PLXNA2: variants seen among roughly 807,000 people sequenced by gnomAD.
The protein encoded by PLXNA2 is plexin A2, also known as plexin-A2.
Under a neutral mutation model 193.5 loss-of-function variants are expected in PLXNA2, and 91 were observed. The observed-to-expected ratio is 0.47, with a 90% confidence interval of 0.40 to 0.56. The LOEUF (loss-of-function observed/expected upper bound fraction) is 0.56, where lower values mean the gene tolerates loss of function less well. Among genes scored for constraint, PLXNA2 ranks in the 20% least tolerant of loss-of-function variants. The pLI, the probability that PLXNA2 is intolerant of heterozygous loss-of-function variation, is 0.00. For missense variants in PLXNA2, 1,995 were observed against 2,503.2 expected (o/e 0.80, Z 4.33); for synonymous variants, 997 against 1,027.3 (o/e 0.97, Z 0.56).
intron 26 of PLXNA2, among the ~76,000 whole-genome samples, chr1:208,037,515 C>T (rs1445763140): frequency 6.6e-6 from 1 of 152,174 alleles, no homozygotes; most frequent in Non-Finnish European, 1.5e-5. Context: ...ATCAGACGAT[C>T]CCACGGGTCT....
At position 208,239,829 on chromosome 1, in the gene PLXNA2, G is replaced by A. The variant is rs117979196; in HGVS notation, c.-81+3814C>T. Among the ~76,000 whole-genome samples, 77 of 152,350 alleles carry A rather than the reference G, an allele frequency of 5.1e-4. No individual in the cohort carries two copies. The East Asian group carries it at 0.011, about 22-fold the overall frequency. ...TGGGTAAAGGGACAACTGGCAGTGC[G>A]TGGGAAGAGTATGCTGGGGTAGGGG... On this transcript the variant is annotated intron_variant, in intron 1 of 31. Coordinates refer to ENST00000367033, the MANE Select transcript of PLXNA2 (RefSeq NM_025179.4).
intron 3 of PLXNA2, among the ~76,000 whole-genome samples, chr1:208,199,551 C>T (rs538641090): frequency 1.8e-4 from 28 of 152,106 alleles, no homozygotes; most frequent in African/African-American, 6.3e-4. Context: ...ATTAACTGGG[C>T]GTGGTGGCAT....
chr1:208,074,414 A>G (rs1391422272), intron 12 of PLXNA2, among the ~76,000 whole-genome samples: 1 of 152,194 alleles, frequency 6.6e-6, no homozygotes, highest in Non-Finnish European at 1.5e-5. Context: ...GAGGCCTCCC[A>G]TGGGGGACAG....
At chr1:208,071,797 C>T (rs1164224736) in intron 12 of PLXNA2, among the ~76,000 whole-genome samples, 2 of 152,176 alleles carry the variant, frequency 1.3e-5, no homozygotes, top group Non-Finnish European at 2.9e-5. Flanking sequence ...GATCAGAGTG[C>T]CGGCTTGTTT....
chr1:208,144,824 A>G (rs1668558767), intron 3 of PLXNA2, among the ~76,000 whole-genome samples: 1 of 152,086 alleles, frequency 6.6e-6, no homozygotes, highest in Non-Finnish European at 1.5e-5. Flanking sequence ...CCCTCCTTCC[A>G]GAAATGTTGT....
chr1:208,217,766 A>T lies in PLXNA2; in HGVS notation c.157T>A (p.Leu53Met). Residue 53 changes from leucine to methionine, a missense_variant, in exon 2 of 32, where the codon TTG becomes ATG. Leu to Met is a conservative substitution (Grantham distance 15). This residue lies in a region of PLXNA2 where 702 missense variants were observed against 812.9 expected (regional missense o/e 0.86). Coordinates refer to ENST00000367033, the MANE Select transcript of PLXNA2 (RefSeq NM_025179.4). This position sits in a 1 kb window ranked among gnomAD's most constrained non-coding sequence, Gnocchi z 4.7. ...SENRDWTFNH[L>M]TVHQGTGAVY... ...GCCCCCGTCCCTTGGTGGACGGTCAAGTGGTTGAAGGTCCAGTCACGATTC... is the reference window on the plus strand; with the variant it reads ...GCCCCCGTCCCTTGGTGGACGGTCATGTGGTTGAAGGTCCAGTCACGATTC... 6.2e-7 allele frequency: 1 copy of T among 1,614,088 alleles called. No individual in the cohort carries two copies. The highest frequency in any genetic ancestry group is 1.7e-5 in the Admixed American group (1 of 60,020).
intron 12 of PLXNA2, among the ~76,000 whole-genome samples, 155 bp downstream of exon 12, chr1:208,079,105 T>C (rs1666247382): frequency 6.6e-6 from 1 of 152,126 alleles, no homozygotes; most frequent in South Asian, 2.1e-4. Flanking sequence ...ACAGGGGCCG[T>C]TAAGACACAC....
In PLXNA2 at chr1:208,110,461, C is replaced by T. The variant is rs193107145; in HGVS notation, c.1507-7214G>A. ...TGACAGCTGGCAGGCTCCTGGCTGG[C>T]CCCACCTTGCCCTGAGCTGGGCAGT... On this transcript the variant is annotated intron_variant, in intron 4 of 31. Transcript: ENST00000367033. Among the ~76,000 whole-genome samples the T allele has an allele frequency of 1.6e-4, 24 of 152,332 alleles. No individual in the cohort carries two copies. In the East Asian group the frequency reaches 4.2e-3, roughly 27 times the overall value.
At chr1:208,125,957 G>T (rs1011885054) in intron 4 of PLXNA2, among the ~76,000 whole-genome samples, 8 of 152,214 alleles carry the variant, frequency 5.3e-5, no homozygotes, top group Middle Eastern at 3.2e-3. Context: ...CTCTGTTGCG[G>T]TCACAGGAGG....
At chr1:208,077,940 G>T (rs1215422240) in intron 12 of PLXNA2, among the ~76,000 whole-genome samples, 1 of 152,126 alleles carries the variant, frequency 6.6e-6, no homozygotes, top group Non-Finnish European at 1.5e-5. Flanking sequence ...CCGGGATATG[G>T]TGTCTTGTGG....
In PLXNA2 at chr1:208,084,427, G is replaced by C; in HGVS notation, c.2251C>G (p.Pro751Ala). The change falls in exon 10 of 32, where the codon CCC becomes GCC. Residue 751 changes from proline (P) to alanine (A), a missense_variant. Physicochemically the swap from Pro to Ala is conservative, Grantham distance 27. This residue lies in a region of PLXNA2 where 1,291 missense variants were observed against 1,673.6 expected (regional missense o/e 0.77). Coordinates refer to ENST00000367033, the MANE Select transcript of PLXNA2 (RefSeq NM_025179.4). ...CTGGAGCTGTTGAAGCGCAGAGCGG[G>C]GACCCGGTGGATGGCTCCTTGTATG... Reference protein sequence around the residue: ...LNIQGAIHRVPALRFNSSSVQ... With the variant: ...LNIQGAIHRVAALRFNSSSVQ... 6.2e-7 allele frequency: 1 copy of C among 1,614,270 alleles called. No individual in the cohort carries two copies. Among genetic ancestry groups the C allele is most frequent in the East Asian group, 2.2e-5 (1 of 44,888 alleles).
chr1:208,129,488 G>C (rs1445284023), intron 4 of PLXNA2, among the ~76,000 whole-genome samples: 1 of 152,240 alleles, frequency 6.6e-6, no homozygotes, highest in African/African-American at 2.4e-5. Context: ...CAGAAATTCT[G>C]TGAGGATGGA....
intron 3 of PLXNA2, among the ~76,000 whole-genome samples, chr1:208,147,967 C>A (rs1027708538): frequency 5.3e-5 from 8 of 152,172 alleles, no homozygotes; most frequent in Non-Finnish European, 1.0e-4. Flanking sequence ...GGCTTTGGGG[C>A]AGGAGCGTGT....
intron 4 of PLXNA2, among the ~76,000 whole-genome samples, chr1:208,122,261 T>C (rs911468434): frequency 6.6e-6 from 1 of 152,224 alleles, no homozygotes; most frequent in African/African-American, 2.4e-5. Flanking sequence ...ATTACTTCTA[T>C]TATAATTCAT....
intron 3 of PLXNA2, 26 bp downstream of exon 3, chr1:208,210,254 G>A (rs1303717413): frequency 5.0e-6 from 8 of 1,611,690 alleles, no homozygotes; most frequent in Non-Finnish European, 6.8e-6. Flanking sequence ...AATGGCATTG[G>A]AGCATCTGAA....
chr1:208,047,103 G>C (rs997747163), intron 17 of PLXNA2, among the ~76,000 whole-genome samples: 14 of 152,124 alleles, frequency 9.2e-5, no homozygotes, highest in East Asian at 1.9e-4. Flanking sequence ...TGGGATTACA[G>C]GCACGTGCCA....
intron 4 of PLXNA2, among the ~76,000 whole-genome samples, chr1:208,117,316 G>A (rs1464557408): frequency 2.0e-5 from 3 of 152,210 alleles, no homozygotes; most frequent in East Asian, 1.9e-4. Context: ...CAGAGGGTAG[G>A]CTGGCGAGCC....
intron 4 of PLXNA2, among the ~76,000 whole-genome samples, chr1:208,110,466 C>T (rs1250232090): frequency 6.6e-6 from 1 of 152,212 alleles, no homozygotes; most frequent in Non-Finnish European, 1.5e-5. Context: ...GCTGGCCCCA[C>T]CTTGCCCTGA....
intron 3 of PLXNA2, among the ~76,000 whole-genome samples, chr1:208,194,560 G>A (rs182624924): frequency 6.6e-6 from 1 of 150,408 alleles, no homozygotes; most frequent in Non-Finnish European, 1.5e-5. Flanking sequence ...TTAAATGCAC[G>A]CCACTTTCAT....
Sources: gnomAD v4.1 joint callset for allele counts (sites outside exome capture counted in the v4.1 genomes callset) on GRCh38, gnomAD v4.1.1 for gene constraint, gnomAD v4.1.1 regional missense constraint, Gnocchi (gnomAD v3.1) non-coding constraint, MANE v1.5 for transcripts, NCBI Gene and HGNC (gene_info 2026-07-23, HGNC 2026-07-21) for gene names.